MIS18A: variants seen among roughly 807,000 people sequenced by gnomAD.
MIS18A encodes the protein protein Mis18-alpha.
MIS18A carries 14 observed loss-of-function variants against 25.0 expected under a neutral mutation model. The observed-to-expected ratio is 0.56, with a 90% CI of 0.37 to 0.88. The LOEUF (loss-of-function observed/expected upper bound fraction) is 0.88, where lower values mean the gene tolerates loss of function less well. Ranked by LOEUF, MIS18A falls within the 40% of genes least tolerant of loss-of-function variation. The pLI, the probability that MIS18A is intolerant of heterozygous loss-of-function variation, is 0.00. For synonymous variants in MIS18A, 134 were observed against 118.6 expected (o/e 1.13, Z -0.84); for missense variants, 292 against 290.8 (o/e 1.00, Z -0.03).
At chr21:32,203,941 G>T in the MIS18A span, among the ~76,000 whole-genome samples, 1 of 151,926 alleles carries the variant, frequency 6.6e-6, no homozygotes, top group Non-Finnish European at 1.5e-5. Context: ...TGAAGAATGG[G>T]TGAGCTTATA....
At chr21:32,178,313 A>G in the MIS18A span, among the ~76,000 whole-genome samples, 96 of 152,236 alleles carry the variant, frequency 6.3e-4, no homozygotes, top group Non-Finnish European at 8.7e-4. Context: ...AGACATTTTC[A>G]TAGAAGAAAT....
chr21:32,158,471 AT>A, the MIS18A span, among the ~76,000 whole-genome samples: 77,171 of 144,492 alleles, frequency 0.53, 20,327 homozygotes, highest in African/African-American at 0.66. Context: ...GATTATTATG[AT>A]TTTTTTTTTT....
intron 2 of MIS18A, among the ~76,000 whole-genome samples, chr21:32,274,273 T>C (rs1215655971): frequency 6.9e-6 from 1 of 145,604 alleles, no homozygotes; most frequent in Admixed American, 7.1e-5. Context: ...CTGGCGATCT[T>C]GGCTCACTGC....
At chr21:32,180,040 C>T in the MIS18A span, among the ~76,000 whole-genome samples, 2 of 152,162 alleles carry the variant, frequency 1.3e-5, no homozygotes, top group African/African-American at 2.4e-5. Flanking sequence ...CTATTGAACA[C>T]GGGTGTGTTT....
At chr21:32,219,303 A>G in the MIS18A span, among the ~76,000 whole-genome samples, 1 of 152,144 alleles carries the variant, frequency 6.6e-6, no homozygotes, top group African/African-American at 2.4e-5. Flanking sequence ...GACTGGTTAC[A>G]CAGTGGGTGC....
rs1042416195 is a variant in MIS18A at position 32,278,492 on chromosome 21, G to A, written c.334+189C>T. 3.0e-5 allele frequency: 18 copies of A among 603,470 alleles called. No homozygotes were observed. The Middle Eastern group carries it at 2.7e-3, about 90-fold the overall frequency. 37.4% of individuals were successfully genotyped at this position (603,470 alleles called of 1,614,324 possible). A position where few individuals can be genotyped will look rare whatever the true frequency, so the allele number is the denominator to read the frequency against. ...CGGGGACCCCAGAAAAGAACCCACC[G>A]CCCGAGAGCCAAAGTGGAGGGGTGA... On this transcript the variant is annotated intron_variant, in intron 1 of 4. Transcript: ENST00000290130.
chr21:32,228,179 C>T, the MIS18A span, among the ~76,000 whole-genome samples: 1 of 152,180 alleles, frequency 6.6e-6, no homozygotes, highest in Non-Finnish European at 1.5e-5. Context: ...ACCTCTGCCT[C>T]CCAGGTTCAA....
At chr21:32,195,360 T>C in the MIS18A span, among the ~76,000 whole-genome samples, 2 of 152,222 alleles carry the variant, frequency 1.3e-5, no homozygotes, top group Non-Finnish European at 2.9e-5. Flanking sequence ...AGAGGGATAG[T>C]TGAAATTAAA....
the MIS18A span, among the ~76,000 whole-genome samples, chr21:32,254,561 CTT>C: frequency 6.6e-6 from 1 of 151,758 alleles, no homozygotes; most frequent in East Asian, 1.9e-4. Flanking sequence ...TGCTTTATAA[CTT>C]TAAATGGTTT....
At chr21:32,246,475 AG>A in the MIS18A span, among the ~76,000 whole-genome samples, 7 of 152,076 alleles carry the variant, frequency 4.6e-5, no homozygotes, top group Non-Finnish European at 8.8e-5. Flanking sequence ...GGAGTCTGGC[AG>A]GGGGGAGAGG....
At chr21:32,159,376 T>C in the MIS18A span, among the ~76,000 whole-genome samples, 1 of 152,260 alleles carries the variant, frequency 6.6e-6, no homozygotes, top group African/African-American at 2.4e-5. Flanking sequence ...ATAAAACTTA[T>C]GGTTAGTTTT....
intron 2 of MIS18A, among the ~76,000 whole-genome samples, chr21:32,273,115 CTTTTTTTTTT>C (rs879786505): frequency 7.4e-6 from 1 of 134,430 alleles, no homozygotes; most frequent in African/African-American, 2.7e-5. Flanking sequence ...AACTTTTTTT[CTTTTTTTTTT>C]TTTTTCACTT....
chr21:32,238,579 T>C, the MIS18A span, among the ~76,000 whole-genome samples: 1 of 152,348 alleles, frequency 6.6e-6, no homozygotes, highest in African/African-American at 2.4e-5. Flanking sequence ...GTCTCTGCTA[T>C]GCTGGCTTTT....
intron 2 of MIS18A, among the ~76,000 whole-genome samples, chr21:32,271,467 ACT>A (rs2031713338): frequency 6.6e-6 from 1 of 152,266 alleles, no homozygotes; most frequent in African/African-American, 2.4e-5. Flanking sequence ...ATACTGAGAC[ACT>A]GTTAATTATT....
Position 32,270,450 on chromosome 21 carries a change from A to G in MIS18A, c.481T>C (p.Tyr161His). The G allele has an allele frequency of 6.2e-7, 1 of 1,613,796 alleles. No homozygotes were observed. ...CTGAGGCAAAACAAGTCTCTCTTGTAATCAAGATTCTTGGGCGTGCATCTG... is the reference window on the plus strand; with the variant it reads ...CTGAGGCAAAACAAGTCTCTCTTGTGATCAAGATTCTTGGGCGTGCATCTG... ...VYRCTPKNLD[Y>H]KRDLFCLSVE... The change falls in exon 3 of 5, where the codon TAC becomes CAC. Residue 161 changes from tyrosine (Y) to histidine (H), a missense_variant. Transcript: ENST00000290130.
At chr21:32,203,692 T>C in the MIS18A span, among the ~76,000 whole-genome samples, 7 of 147,096 alleles carry the variant, frequency 4.8e-5, no homozygotes, top group Non-Finnish European at 7.4e-5. Flanking sequence ...TGATCACAGC[T>C]TACTGCCTCT....
At chr21:32,220,008 TG>T in the MIS18A span, among the ~76,000 whole-genome samples, 6 of 152,184 alleles carry the variant, frequency 3.9e-5, no homozygotes, top group Non-Finnish European at 8.8e-5. Context: ...CCCATCTCCC[TG>T]GGACAGACCA....
chr21:32,247,064 C>T, the MIS18A span, among the ~76,000 whole-genome samples: 5 of 152,316 alleles, frequency 3.3e-5, no homozygotes, highest in Admixed American at 2.6e-4. Context: ...CAGCAACTCT[C>T]GTCAACACCA....
the MIS18A span, among the ~76,000 whole-genome samples, chr21:32,200,196 G>A: frequency 6.6e-5 from 10 of 152,318 alleles, no homozygotes; most frequent in African/African-American, 2.4e-4. Context: ...ATGTAAACAA[G>A]TAGGCATGGC....
Sources: gnomAD v4.1 joint callset for allele counts (sites outside exome capture counted in the v4.1 genomes callset) on GRCh38, gnomAD v4.1.1 for gene constraint, MANE v1.5 for transcripts, NCBI Gene and HGNC (gene_info 2026-07-23, HGNC 2026-07-21) for gene names.